NUP210L: variants seen among roughly 807,000 people sequenced by gnomAD.
The protein encoded by NUP210L is nucleoporin 210 like, also known as nuclear pore membrane glycoprotein 210-like.
NUP210L carries 74 observed loss-of-function variants against 208.5 expected under a neutral mutation model. That is an observed-to-expected ratio of 0.35 (90% CI 0.29 to 0.43). The LOEUF is 0.43. Among genes scored for constraint, NUP210L ranks in the 20% least tolerant of loss-of-function variants. The pLI, the probability that NUP210L is intolerant of heterozygous loss-of-function variation, is 1.00. For synonymous variants in NUP210L, 780 were observed against 816.9 expected (o/e 0.95, Z 0.77); for missense variants, 1,843 against 2,289.4 (o/e 0.81, Z 3.98).
chr1:154,113,888 T>C (rs1297342652), intron 12 of NUP210L, among the ~76,000 whole-genome samples: 2 of 126,162 alleles, frequency 1.6e-5, no homozygotes, highest in Non-Finnish European at 1.6e-5. Context: ...AAGCCGGGTG[T>C]GGTGGCTCAC....
At chr1:154,152,963 A>C in intron 1 of NUP210L, 91 bp from the exon 2 acceptor site, 1 of 1,125,662 alleles carries the variant, frequency 8.9e-7, no homozygotes, top group East Asian at 2.4e-5. Context: ...TCCATGTTAC[A>C]TACTACCAGG....
intron 20 of NUP210L, among the ~76,000 whole-genome samples, 152 bp downstream of exon 20, chr1:154,060,387 CT>C (rs1174539227): frequency 2.6e-5 from 4 of 152,186 alleles, no homozygotes; most frequent in Non-Finnish European, 4.4e-5. Context: ...AAAAAAAGCA[CT>C]CCCTTTTGGT....
At chr1:154,018,064 C>T (rs1411160702) in intron 33 of NUP210L, among the ~76,000 whole-genome samples, 5 of 151,238 alleles carry the variant, frequency 3.3e-5, no homozygotes, top group African/African-American at 4.9e-5. Flanking sequence ...CTCCACCTCC[C>T]AGGTTCAAGA....
At chr1:154,017,899 C>T (rs1184565856) in intron 33 of NUP210L, among the ~76,000 whole-genome samples, 1 of 152,028 alleles carries the variant, frequency 6.6e-6, no homozygotes, top group Non-Finnish European at 1.5e-5. Context: ...TTCCATTTGC[C>T]ACTAATCAAA....
At chr1:154,146,633 A>G (rs2148153757) in intron 2 of NUP210L, among the ~76,000 whole-genome samples, 2 of 27,036 alleles carry the variant, frequency 7.4e-5, no homozygotes, top group East Asian at 2.8e-3. Context: ...CCCCCCACCA[A>G]AAAAAGAGCA....
At chr1:154,022,133 G>A (rs1042412252) in exon 32 of NUP210L, 1 of 1,611,950 alleles carries the variant, frequency 6.2e-7, no homozygotes, top group Non-Finnish European at 8.5e-7. Context: ...TACCATGCTG[G>A]CTGACAAGGT....
At chr1:154,068,513 C>T (rs1190658858) in intron 17 of NUP210L, among the ~76,000 whole-genome samples, 1 of 152,018 alleles carries the variant, frequency 6.6e-6, no homozygotes, top group African/African-American at 2.4e-5. Context: ...AACCTCATCT[C>T]TACTAAAAAT....
chr1:154,027,367 A>G, intron 29 of NUP210L, 139 bp downstream of exon 29: 1 of 609,822 alleles, frequency 1.6e-6, no homozygotes, highest in South Asian at 2.1e-5. Context: ...ATAGTTTTAC[A>G]TTATGGGAAT....
chr1:154,001,032 A>G, exon 37 of NUP210L: 1 of 1,614,170 alleles, frequency 6.2e-7, no homozygotes, highest in Non-Finnish European at 8.5e-7. Flanking sequence ...ATGGCCAGCG[A>G]CCACTAGAAC....
intron 18 of NUP210L, 63 bp from the exon 19 acceptor site, chr1:154,061,109 G>A: frequency 8.5e-7 from 1 of 1,182,574 alleles, no homozygotes; most frequent in East Asian, 2.4e-5. Flanking sequence ...CGCCCACGGT[G>A]GCTTACGCTT....
intron 29 of NUP210L, among the ~76,000 whole-genome samples, chr1:154,027,080 C>CAAAAAAAAAAAAAAAAAAAAA (rs59626984): frequency 2.9e-5 from 3 of 101,742 alleles, no homozygotes; most frequent in Admixed American, 1.1e-4. Context: ...GAGACTGTCT[C>CAAAAAAAAAAAAAAAAAAAAA]AAAAAAAAAA....
exon 27 of NUP210L, chr1:154,046,120 G>A (rs374910142): frequency 3.0e-5 from 49 of 1,613,964 alleles, no homozygotes; most frequent in Non-Finnish European, 4.0e-5. Context: ...TCATAGACCA[G>A]TGGAATGTGA....
intron 12 of NUP210L, among the ~76,000 whole-genome samples, chr1:154,115,977 C>T (rs1331808249): frequency 3.3e-5 from 5 of 151,754 alleles, no homozygotes; most frequent in African/African-American, 7.3e-5. Flanking sequence ...AAAATTAGGC[C>T]GGGCGCGGTG....
chr1:154,012,574 G>A (rs1650987407), intron 33 of NUP210L, among the ~76,000 whole-genome samples: 1 of 149,512 alleles, frequency 6.7e-6, no homozygotes, highest in African/African-American at 2.5e-5. Flanking sequence ...TCAGGGTCTT[G>A]CTCTGTCACC....
intron 25 of NUP210L, among the ~76,000 whole-genome samples, chr1:154,051,042 G>A (rs1653459990): frequency 6.6e-6 from 1 of 152,144 alleles, no homozygotes; most frequent in Non-Finnish European, 1.5e-5. Flanking sequence ...CCACACTGAT[G>A]AGCAACTGAT....
rs1463192824 is a variant in NUP210L, at chr1:154,026,603, C to T, written c.3948-887G>A. On this transcript the variant is annotated intron_variant, in intron 29 of 39. Transcript: ENST00000368559. ...CCTCAGGTGATCCACCTGCATTGGC[C>T]TCCCAGAGGCCTGGGATTACAGGCA... is the stretch of plus-strand genomic sequence containing the variant. Among the ~76,000 whole-genome samples the T allele has an allele frequency of 2.6e-5, 4 of 152,126 alleles. No homozygotes were observed. The East Asian group carries it at 7.8e-4, about 30-fold the overall frequency.
intron 22 of NUP210L, 141 bp downstream of exon 22, chr1:154,057,948 G>A (rs994909517): frequency 2.0e-5 from 18 of 896,736 alleles, no homozygotes; most frequent in African/African-American, 5.0e-5. Flanking sequence ...TGGGAAGAGC[G>A]TATGGGCTGA....
chr1:154,075,324 A>G (rs1654977272), intron 16 of NUP210L, among the ~76,000 whole-genome samples: 1 of 152,216 alleles, frequency 6.6e-6, no homozygotes, highest in Non-Finnish European at 1.5e-5. Context: ...ATACATATAT[A>G]TACACACACA....
chr1:154,095,618 G>T (rs1271682705), intron 14 of NUP210L, among the ~76,000 whole-genome samples: 1 of 152,130 alleles, frequency 6.6e-6, no homozygotes, highest in Non-Finnish European at 1.5e-5. Context: ...GTACAATGTT[G>T]TGTGCAGAAA....
Sources: gnomAD v4.1 joint callset for allele counts (sites outside exome capture counted in the v4.1 genomes callset) on GRCh38, gnomAD v4.1.1 for gene constraint, MANE v1.5 for transcripts, NCBI Gene and HGNC (gene_info 2026-07-23, HGNC 2026-07-21) for gene names.